The following BMP7 variants were observed in gnomAD, a reference collection of about 807,000 sequenced individuals.
The protein encoded by BMP7 is bone morphogenetic protein 7, also known as osteogenic protein 1.
A neutral mutation model predicts 41.2 loss-of-function variants in BMP7; 12 were observed. The observed-to-expected ratio is 0.29, with a 90% CI of 0.19 to 0.47. The LOEUF is 0.47. BMP7 is among the 20% of genes least tolerant of loss of function. The pLI is 0.99. For synonymous variants in BMP7, 248 were observed against 250.0 expected (o/e 0.99, Z 0.07); for missense variants, 467 against 606.0 (o/e 0.77, Z 2.41).
At chr20:57,232,952 C>G (rs1406955120) in intron 1 of BMP7, among the ~76,000 whole-genome samples, 4 of 151,412 alleles carry the variant, frequency 2.6e-5, no homozygotes, top group African/African-American at 4.9e-5. Context: ...CTCATCTTTC[C>G]AAGGTTTCCC....
At chr20:57,207,811 GTTTTTTTTTTTTTT>G (rs572613876) in intron 2 of BMP7, among the ~76,000 whole-genome samples, 3 of 109,982 alleles carry the variant, frequency 2.7e-5, no homozygotes, top group African/African-American at 4.1e-5. Context: ...ACCCCAGTTG[GTTTTTTTTTTTTTT>G]TTTTTTTTTT....
chr20:57,206,479 G>A (rs1051796775), intron 2 of BMP7, among the ~76,000 whole-genome samples: 3 of 152,162 alleles, frequency 2.0e-5, no homozygotes, highest in Admixed American at 6.6e-5. Flanking sequence ...GAGCCTGAGC[G>A]CTTAAACCCT....
chr20:57,198,738 C>T (rs1984558927), intron 3 of BMP7, among the ~76,000 whole-genome samples: 1 of 152,148 alleles, frequency 6.6e-6, no homozygotes, highest in Non-Finnish European at 1.5e-5. Context: ...GCCATCTGGG[C>T]TTTGGAGTTT....
At position 57,170,896 on chromosome 20, in the gene BMP7, C is replaced by A. The variant is rs1983801137; in HGVS notation, c.*63G>T. 6.3e-7 allele frequency: 1 copy of A among 1,598,930 alleles called. No homozygotes were observed. Among genetic ancestry groups the A allele is most frequent in the Admixed American group, 1.7e-5 (1 of 59,446 alleles). ...AGGCAGTTGGTCTGCTGGTTCCTGGCCAAGGCGAGCAATGGAGGATCCAGA... is the reference window on the plus strand; with the variant it reads ...AGGCAGTTGGTCTGCTGGTTCCTGGACAAGGCGAGCAATGGAGGATCCAGA... On this transcript the variant is annotated 3_prime_UTR_variant, in exon 7 of 7. Transcript: ENST00000395863.
At chr20:57,229,160 C>T (rs539129861) in intron 1 of BMP7, among the ~76,000 whole-genome samples, 18 of 152,296 alleles carry the variant, frequency 1.2e-4, no homozygotes, top group Admixed American at 7.9e-4. Context: ...AAGCTACCAA[C>T]GTGAGGCTGC....
At chr20:57,204,394 T>G (rs1221951727) in intron 2 of BMP7, among the ~76,000 whole-genome samples, 1 of 152,174 alleles carries the variant, frequency 6.6e-6, no homozygotes, top group Non-Finnish European at 1.5e-5. Context: ...TGTTAGACAT[T>G]CGTCAGGCAC....
intron 4 of BMP7, among the ~76,000 whole-genome samples, chr20:57,181,047 G>A (rs1984068193): frequency 6.6e-6 from 1 of 152,170 alleles, no homozygotes; most frequent in African/African-American, 2.4e-5. Flanking sequence ...ACCAACCGCA[G>A]GCCCCGGAGG....
At chr20:57,216,576 G>A (rs1289290541) in intron 2 of BMP7, among the ~76,000 whole-genome samples, 1 of 150,778 alleles carries the variant, frequency 6.6e-6, no homozygotes, top group Admixed American at 6.6e-5. Context: ...AGGGTGAGGG[G>A]CTGTCTCTTG....
At position 57,170,833 on chromosome 20, in the gene BMP7, C is replaced by T; in HGVS notation, c.*126G>A. 1.6e-6 allele frequency: 2 copies of T among 1,255,234 alleles called. No individual in the cohort carries two copies. The highest frequency in any genetic ancestry group is 2.6e-4 in the Middle Eastern group (1 of 3,848). The allele number at this position is 1,255,234 out of a possible 1,614,324, so 77.8% of individuals were successfully genotyped here. A position where few individuals can be genotyped will look rare whatever the true frequency, so the allele number is the denominator to read the frequency against. On this transcript the variant is annotated 3_prime_UTR_variant, in exon 7 of 7. Coordinates refer to ENST00000395863, the MANE Select transcript of BMP7 (RefSeq NM_001719.3). ...CTCATGTTTCCTAATACTCTCACAC[C>T]TTTAAAGTTGGGGATAGGGAGGGGA...
intron 2 of BMP7, among the ~76,000 whole-genome samples, chr20:57,210,696 C>T (rs2123099023): frequency 6.6e-6 from 1 of 152,358 alleles, no homozygotes; most frequent in East Asian, 1.9e-4. Flanking sequence ...CGAATTCCAA[C>T]ATGGCCACAC....
chr20:57,239,950 G>T (rs1045334256), intron 1 of BMP7, among the ~76,000 whole-genome samples: 2 of 152,228 alleles, frequency 1.3e-5, no homozygotes, highest in African/African-American at 4.8e-5. Flanking sequence ...CTCCAGGCCT[G>T]TGATGGGAGG....
chr20:57,247,613 T>C (rs1462976237), intron 1 of BMP7, among the ~76,000 whole-genome samples: 2 of 152,152 alleles, frequency 1.3e-5, no homozygotes, highest in Non-Finnish European at 2.9e-5. Context: ...CCCAGAACCC[T>C]TTACTAGAAA....
At chr20:57,246,464 T>G (rs2066091066) in intron 1 of BMP7, among the ~76,000 whole-genome samples, 1 of 152,234 alleles carries the variant, frequency 6.6e-6, no homozygotes, top group South Asian at 2.1e-4. Context: ...TTAGCAATGC[T>G]GTTGACTGGC....
chr20:57,209,512 G>A (rs1019737517), intron 2 of BMP7, among the ~76,000 whole-genome samples: 1 of 151,898 alleles, frequency 6.6e-6, no homozygotes, highest in African/African-American at 2.4e-5. Flanking sequence ...GGAAAATGGG[G>A]GTAACTGTTA....
chr20:57,212,780 AG>A (rs1165156810), intron 2 of BMP7, among the ~76,000 whole-genome samples: 2 of 152,190 alleles, frequency 1.3e-5, no homozygotes, highest in Non-Finnish European at 1.5e-5. Flanking sequence ...AGGAGATCAA[AG>A]GAGCCCAGAA....
intron 3 of BMP7, among the ~76,000 whole-genome samples, chr20:57,195,793 C>A (rs920823521): frequency 6.6e-6 from 1 of 152,198 alleles, no homozygotes; most frequent in Non-Finnish European, 1.5e-5. Flanking sequence ...AAGTAAGACA[C>A]GTGCTCTCGT....
chr20:57,246,948 C>T lies in BMP7; in HGVS notation c.419-18527G>A, dbSNP rs1446232166. On this transcript the variant is annotated intron_variant, in intron 1 of 6. Transcript: ENST00000395863. Reference sequence around the variant, plus strand: ...AAGTTGCAGTGAGCCAAGATTGTACCACTGCATTCCAGCCTGGGTGACAGA... The same window carrying T: ...AAGTTGCAGTGAGCCAAGATTGTACTACTGCATTCCAGCCTGGGTGACAGA... Among the ~76,000 whole-genome samples the T allele has an allele frequency of 3.3e-5, 5 of 151,866 alleles. No individual in the cohort carries two copies. The East Asian group carries it at 9.7e-4, about 29-fold the overall frequency.
chr20:57,228,168 C>T lies in BMP7; in HGVS notation c.611+61G>A. 1 of 1,578,898 alleles carries T rather than the reference C, an allele frequency of 6.3e-7. No homozygotes were observed. The highest frequency in any genetic ancestry group is 8.7e-7 in the Non-Finnish European group (1 of 1,150,196). On this transcript the variant is annotated intron_variant, in intron 2 of 6. Coordinates refer to ENST00000395863, the MANE Select transcript of BMP7 (RefSeq NM_001719.3). The surrounding 1 kb of genome is among the most constrained non-coding windows in gnomAD (Gnocchi z 4.5). ...TGACCCATCCTCTGGCCCTCACCAC[C>T]TTCTTCCTCTGCCCCCAGAGGAAAC...
intron 4 of BMP7, among the ~76,000 whole-genome samples, chr20:57,181,044 G>A (rs1451624054): frequency 2.6e-5 from 4 of 152,262 alleles, no homozygotes; most frequent in East Asian, 1.9e-4. Context: ...GGGACCAACC[G>A]CAGGCCCCGG....
Sources: allele counts gnomAD v4.1 joint callset (sites outside exome capture counted in the v4.1 genomes callset), GRCh38; gene constraint gnomAD v4.1.1; non-coding constraint Gnocchi (gnomAD v3.1); transcripts MANE v1.5; gene names NCBI Gene and HGNC (gene_info 2026-07-23, HGNC 2026-07-21).